The following CSMD1 variants were observed in gnomAD, a reference collection of about 807,000 sequenced individuals.
CSMD1 encodes CUB and Sushi multiple domains 1.
CSMD1 carries 213 observed loss-of-function variants against 417.5 expected under a neutral mutation model. That is an observed-to-expected ratio of 0.51 (90% CI 0.46 to 0.57). The LOEUF (loss-of-function observed/expected upper bound fraction) is 0.57, where lower values mean the gene tolerates loss of function less well. Ranked by LOEUF, CSMD1 falls within the 20% of genes least tolerant of loss-of-function variation. The probability of loss-of-function intolerance (pLI) is 0.00; values close to 1 mark genes in which losing one functional copy is unlikely to be tolerated. For synonymous variants in CSMD1, 2,862 were observed against 1,736.8 expected, an observed-to-expected ratio of 1.65 and a Z score of -16.11; for missense variants, 6,923 against 4,529.7, an observed-to-expected ratio of 1.53 and a Z score of -15.17.
intron 49 of CSMD1, among the ~76,000 whole-genome samples, chr8:3,063,901 G>C (rs886639946): frequency 1.3e-5 from 2 of 152,144 alleles, no homozygotes; most frequent in Non-Finnish European, 2.9e-5. Context: ...ATGGACAGTG[G>C]TGATGATTAT....
intron 8 of CSMD1, among the ~76,000 whole-genome samples, chr8:3,609,805 T>C (rs1584956562): frequency 7.0e-6 from 1 of 141,928 alleles, no homozygotes; most frequent in Admixed American, 7.7e-5. Flanking sequence ...TTAAAAAGTA[T>C]CTTCCCTTTT....
chr8:4,688,448 G>A (rs963633735), intron 1 of CSMD1, among the ~76,000 whole-genome samples: 2 of 152,084 alleles, frequency 1.3e-5, no homozygotes, highest in South Asian at 4.1e-4. Flanking sequence ...ATCTCCCCGG[G>A]TCCCTGCTGC....
intron 4 of CSMD1, among the ~76,000 whole-genome samples, chr8:4,003,128 T>A (rs1166171713): frequency 6.6e-6 from 1 of 152,168 alleles, no homozygotes; most frequent in African/African-American, 2.4e-5. Context: ...GCGCGGTGGC[T>A]GATGCCTGTA....
intron 2 of CSMD1, among the ~76,000 whole-genome samples, chr8:4,534,977 G>T (rs1479637164): frequency 2.0e-5 from 3 of 152,086 alleles, no homozygotes; most frequent in Non-Finnish European, 2.9e-5. Context: ...TAGCCAGGAT[G>T]GTCTCGATTT....
At chr8:4,834,492 G>T (rs1048715922) in intron 1 of CSMD1, among the ~76,000 whole-genome samples, 1 of 152,150 alleles carries the variant, frequency 6.6e-6, no homozygotes, top group South Asian at 2.1e-4. Flanking sequence ...AGTGAAGTTC[G>T]AGCTGAGTTG....
chr8:3,836,553 G>C (rs1314857385), intron 5 of CSMD1, among the ~76,000 whole-genome samples: 2 of 152,096 alleles, frequency 1.3e-5, no homozygotes, highest in Admixed American at 1.3e-4. Flanking sequence ...GAGTGAGTCA[G>C]AAAAGTGGTG....
chr8:3,034,571 A>C (rs74854527), intron 50 of CSMD1, among the ~76,000 whole-genome samples: 3,912 of 152,304 alleles, frequency 0.026, 169 homozygotes, highest in African/African-American at 0.089. Flanking sequence ...TATGTAATTT[A>C]TATGTATGTA....
intron 5 of CSMD1, among the ~76,000 whole-genome samples, chr8:3,763,960 A>G (rs1223580170): frequency 6.6e-6 from 1 of 152,154 alleles, no homozygotes; most frequent in African/African-American, 2.4e-5. Context: ...TTGCCCTAGA[A>G]ACGTCCTCAA....
intron 26 of CSMD1, among the ~76,000 whole-genome samples, chr8:3,275,955 T>A (rs1421247302): frequency 6.6e-6 from 1 of 152,234 alleles, no homozygotes; most frequent in South Asian, 2.1e-4. Flanking sequence ...TGTTCAGCTT[T>A]GTTCCGTTGC....
chr8:4,176,866 A>G (rs1216138143), intron 3 of CSMD1, among the ~76,000 whole-genome samples: 2 of 148,728 alleles, frequency 1.3e-5, no homozygotes, highest in East Asian at 2.0e-4. Context: ...GATCAATTCA[A>G]CAAGAAGAGC....
intron 3 of CSMD1, among the ~76,000 whole-genome samples, chr8:4,372,689 A>C (rs913898100): frequency 1.3e-5 from 2 of 151,976 alleles, no homozygotes; most frequent in East Asian, 1.9e-4. Context: ...CTGTCAAAGG[A>C]CTCAATAGCT....
In CSMD1 at chr8:3,930,166, G is replaced by C. The variant is rs1174166002; in HGVS notation, c.818+67737C>G. On this transcript the variant is annotated intron_variant, in intron 5 of 69. Transcript: ENST00000635120. The stretch of plus-strand genomic sequence containing the variant: ...TTGTAAATAAGCTCTATTCCAGTGA[G>C]AACATCAGTTATACTTGCCGTATCT... Among the ~76,000 whole-genome samples the C allele has an allele frequency of 1.3e-5, 2 of 150,016 alleles. 1 individual carries two copies. Among genetic ancestry groups the C allele is most frequent in the Non-Finnish European group, 3.0e-5 (2 of 67,460 alleles).
chr8:4,200,170 T>A (rs907769941), intron 3 of CSMD1, among the ~76,000 whole-genome samples: 1 of 152,180 alleles, frequency 6.6e-6, no homozygotes, highest in Non-Finnish European at 1.5e-5. Flanking sequence ...AAAAGCTCCT[T>A]TTTAACTACC....
chr8:4,909,324 C>A (rs1355255532), intron 1 of CSMD1, among the ~76,000 whole-genome samples: 5 of 149,020 alleles, frequency 3.4e-5, no homozygotes, highest in African/African-American at 9.8e-5. Flanking sequence ...AAAATACCTC[C>A]TTTTACCTCC....
intron 5 of CSMD1, among the ~76,000 whole-genome samples, chr8:3,951,250 T>G (rs1811576106): frequency 6.6e-6 from 1 of 152,188 alleles, no homozygotes; most frequent in African/African-American, 2.4e-5. Context: ...TGACGGTGAC[T>G]GAGGCCAGAG....
At chr8:4,236,156 C>T (rs1169107086) in intron 3 of CSMD1, among the ~76,000 whole-genome samples, 1 of 148,862 alleles carries the variant, frequency 6.7e-6, no homozygotes, top group East Asian at 2.0e-4. Context: ...TCAGTAAGGT[C>T]TTCGATCAGG....
At chr8:3,950,193 G>C (rs897964063) in intron 5 of CSMD1, among the ~76,000 whole-genome samples, 2 of 152,146 alleles carry the variant, frequency 1.3e-5, no homozygotes, top group Admixed American at 1.3e-4. Context: ...TAGAGGCCAC[G>C]ATCCAATACT....
chr8:4,204,859 C>A (rs1037171987), intron 3 of CSMD1, among the ~76,000 whole-genome samples: 42 of 152,168 alleles, frequency 2.8e-4, no homozygotes, highest in South Asian at 1.0e-3. Context: ...CAGGGTATCA[C>A]TATATTCCCC....
chr8:3,749,043 T>C (rs898365380), intron 6 of CSMD1, among the ~76,000 whole-genome samples: 2 of 152,302 alleles, frequency 1.3e-5, no homozygotes, highest in Middle Eastern at 3.4e-3. Flanking sequence ...TGTGTAAAAC[T>C]GGAGCCCAAC....
Sources: gnomAD v4.1 joint callset for allele counts (sites outside exome capture counted in the v4.1 genomes callset) on GRCh38, gnomAD v4.1.1 for gene constraint, MANE v1.5 for transcripts, NCBI Gene and HGNC (gene_info 2026-07-23, HGNC 2026-07-21) for gene names.